LGR6: variants seen among roughly 807,000 people sequenced by gnomAD.
LGR6 encodes leucine rich repeat containing G protein-coupled receptor 6.
LGR6 carries 45 observed loss-of-function variants against 69.4 expected under a neutral mutation model. That is an observed-to-expected ratio of 0.65 (90% CI 0.51 to 0.83). The LOEUF is 0.83. LGR6 is among the 40% of genes least tolerant of loss of function. The pLI is 0.00. For missense variants in LGR6, 1,108 were observed against 1,246.7 expected (o/e 0.89, Z 1.68); for synonymous variants, 538 against 555.0 (o/e 0.97, Z 0.43).
chr1:202,308,981 T>C, intron 14 of LGR6, 70 bp from the exon 15 acceptor site: 1 of 1,580,298 alleles, frequency 6.3e-7, no homozygotes, highest in Non-Finnish European at 8.6e-7. Context: ...ACTGGCCACA[T>C]TCTCAGCACA....
At chr1:202,195,225 TGA>T (rs1329167827) in intron 1 of LGR6, among the ~76,000 whole-genome samples, 11 of 152,172 alleles carry the variant, frequency 7.2e-5, no homozygotes, top group Non-Finnish European at 8.8e-5. Flanking sequence ...CCTTCTGGCC[TGA>T]GAGAGGCTCC....
intron 1 of LGR6, among the ~76,000 whole-genome samples, chr1:202,220,129 C>T (rs928351892): frequency 2.6e-5 from 4 of 152,150 alleles, no homozygotes; most frequent in Admixed American, 6.5e-5. Flanking sequence ...ATCCACCCAC[C>T]TTGGCCTCTC....
chr1:202,312,176 T>C (rs1208530429), intron 16 of LGR6, among the ~76,000 whole-genome samples: 1 of 152,188 alleles, frequency 6.6e-6, no homozygotes, highest in Non-Finnish European at 1.5e-5. Context: ...CTGTGGGAGC[T>C]AATGAGCCTC....
chr1:202,315,877 A>G (rs1315194897), intron 17 of LGR6, among the ~76,000 whole-genome samples: 1 of 152,202 alleles, frequency 6.6e-6, no homozygotes, highest in Non-Finnish European at 1.5e-5. Context: ...TGCATTCACA[A>G]TGCCATGGAA....
chr1:202,264,505 G>A (rs912139243), intron 4 of LGR6, among the ~76,000 whole-genome samples: 1 of 152,168 alleles, frequency 6.6e-6, no homozygotes, highest in Non-Finnish European at 1.5e-5. Context: ...CACAGGACCC[G>A]GCTCCCAAGC....
At chr1:202,299,623 G>A (rs1667432564) in intron 7 of LGR6, among the ~76,000 whole-genome samples, 1 of 152,154 alleles carries the variant, frequency 6.6e-6, no homozygotes, top group African/African-American at 2.4e-5. Flanking sequence ...CAAAGATGGT[G>A]TTTAAGAAAA....
intron 4 of LGR6, 102 bp from the exon 5 acceptor site, chr1:202,276,204 G>A (rs1248333749): frequency 1.2e-6 from 1 of 855,970 alleles, no homozygotes; most frequent in Non-Finnish European, 1.9e-6. Context: ...GTCCCAGGGA[G>A]CCTCAAAGGC....
At chr1:202,267,273 G>A (rs1158836419) in intron 4 of LGR6, among the ~76,000 whole-genome samples, 1 of 152,094 alleles carries the variant, frequency 6.6e-6, no homozygotes, top group African/African-American at 2.4e-5. Context: ...TTATATGTAG[G>A]TCAATGCCTG....
At chr1:202,251,869 G>A (rs1053281790) in intron 4 of LGR6, among the ~76,000 whole-genome samples, 3 of 124,964 alleles carry the variant, frequency 2.4e-5, no homozygotes, top group Non-Finnish European at 5.5e-5. Flanking sequence ...AAGTGGAGAG[G>A]GAAAGGGGAA....
intron 6 of LGR6, among the ~76,000 whole-genome samples, chr1:202,295,853 AG>A (rs1458495148): frequency 2.0e-5 from 3 of 149,670 alleles, no homozygotes; most frequent in African/African-American, 7.5e-5. Context: ...GGGCAGTCTG[AG>A]GGTAATTGGG....
intron 7 of LGR6, among the ~76,000 whole-genome samples, 189 bp from the exon 8 acceptor site, chr1:202,300,660 A>G (rs1162974634): frequency 6.6e-6 from 1 of 151,328 alleles, no homozygotes; most frequent in African/African-American, 2.4e-5. Flanking sequence ...TGTCTCAGAA[A>G]AAAAAAAAAA....
intron 4 of LGR6, among the ~76,000 whole-genome samples, chr1:202,252,554 C>A (rs1663356047): frequency 6.6e-6 from 1 of 152,204 alleles, no homozygotes; most frequent in Non-Finnish European, 1.5e-5. Context: ...GAGCCAAATG[C>A]CCTGCTGGAC....
At chr1:202,306,745 G>C in intron 12 of LGR6, 123 bp from the exon 13 acceptor site, 1 of 892,420 alleles carries the variant, frequency 1.1e-6, no homozygotes, top group Non-Finnish European at 1.8e-6. Flanking sequence ...CTCGGGCTGG[G>C]CCCTTTCTTC....
Position 202,305,712 on chromosome 1 carries a change from C to A in LGR6, c.1099C>A (p.Leu367Met), listed in dbSNP as rs767383563. 6.2e-7 allele frequency: 1 copy of A among 1,614,050 alleles called. No homozygotes were observed. The highest frequency in any genetic ancestry group is 1.1e-5 in the South Asian group (1 of 91,072). ...ACTGTCTCACAATCAAATTGAGGAG[C>A]TGCCCAGCCTGCACAGGTGTCAGAA... The part of the protein sequence containing the change: ...LELSHNQIEE[L>M]PSLHRCQKLE... The change falls in exon 12 of 18, where the codon CTG becomes ATG. Residue 367 changes from leucine to methionine, a missense_variant. Leu to Met is a conservative substitution (Grantham distance 15, BLOSUM62 2). Coordinates refer to ENST00000367278, the MANE Select transcript of LGR6 (RefSeq NM_001017403.2).
In LGR6 at chr1:202,308,431, G is replaced by C. The variant is rs116640124; in HGVS notation, c.1281-620G>C. ...CCTTCCAGTCCAGGGCTGTTTCCAC[G>C]ACGCACAGTCTGTGGTCTTAGCGTT... On this transcript the variant is annotated intron_variant, in intron 14 of 17. Coordinates refer to ENST00000367278, the MANE Select transcript of LGR6 (RefSeq NM_001017403.2). 2.0e-5 allele frequency among the ~76,000 whole-genome samples: 3 copies of C among 152,282 alleles called. No homozygotes were observed. The East Asian group carries it at 5.8e-4, about 29-fold the overall frequency.
chr1:202,281,022 C>G, intron 6 of LGR6, 170 bp downstream of exon 6: 2 of 598,378 alleles, frequency 3.3e-6, no homozygotes, highest in East Asian at 6.0e-5. Flanking sequence ...TGGAATATCA[C>G]TGAGAATGAA....
chr1:202,216,888 C>G (rs917873809), intron 1 of LGR6, among the ~76,000 whole-genome samples: 1 of 152,234 alleles, frequency 6.6e-6, no homozygotes, highest in Admixed American at 6.5e-5. Flanking sequence ...TCTCCTGGCT[C>G]TGGGCACAGG....
At chr1:202,203,726 A>G in intron 1 of LGR6, 2 of 1,359,512 alleles carry the variant, frequency 1.5e-6, no homozygotes, top group Non-Finnish European at 1.0e-6. Flanking sequence ...CAGGCGGGGC[A>G]CAGAGGAGGG....
chr1:202,300,509 G>T (rs1667501146), intron 7 of LGR6, among the ~76,000 whole-genome samples: 1 of 152,078 alleles, frequency 6.6e-6, no homozygotes, highest in Non-Finnish European at 1.5e-5. Context: ...CAAAAAATTA[G>T]CGAGGTGCAG....
Sources: gnomAD v4.1 joint callset for allele counts (sites outside exome capture counted in the v4.1 genomes callset) on GRCh38, gnomAD v4.1.1 for gene constraint, MANE v1.5 for transcripts, NCBI Gene and HGNC (gene_info 2026-07-23, HGNC 2026-07-21) for gene names.